The following YEATS2 variants were observed in gnomAD, a reference collection of about 807,000 sequenced individuals.
The protein encoded by YEATS2 is YEATS domain-containing protein 2.
In YEATS2, 77 loss-of-function variants were observed where a neutral mutation model predicts 163.2. The ratio of observed to expected loss-of-function variants is 0.47; its 90% CI spans 0.39 to 0.57. The LOEUF is 0.57. Among genes scored for constraint, YEATS2 ranks in the 20% least tolerant of loss-of-function variants. YEATS2 has a pLI of 0.00. For synonymous variants in YEATS2, 631 were observed against 645.1 expected (o/e 0.98, Z 0.33); for missense variants, 1,549 against 1,729.8 (o/e 0.90, Z 1.85).
chr3:183,776,020 GAGGAGGAGGAACAGC>G lies in YEATS2; in HGVS notation c.2487_2501del (p.Ala830_Thr834del), dbSNP rs776263149. 96 of 1,613,554 alleles carry G rather than the reference GAGGAGGAGGAACAGC, an allele frequency of 5.9e-5. No individual in the cohort carries two copies. In the East Asian group the frequency reaches 1.8e-3, roughly 30 times the overall value. ...AGCGGTGGAGGCGGCAGCACAGGAG[GAGGAGGAGGAACAGC>G]AGGAGGAGGAACTCAAAGTACTGCT... On this transcript the variant is annotated inframe_deletion, in exon 18 of 31. Transcript: ENST00000305135.
intron 4 of YEATS2, among the ~76,000 whole-genome samples, chr3:183,719,261 A>G (rs1716245783): frequency 7.0e-6 from 1 of 143,224 alleles, no homozygotes; most frequent in African/African-American, 2.6e-5. Flanking sequence ...TCAGCCTCCC[A>G]AGTAGCTGGG....
chr3:183,735,662 A>G (rs1238700923), intron 7 of YEATS2, among the ~76,000 whole-genome samples: 1 of 151,490 alleles, frequency 6.6e-6, no homozygotes, highest in East Asian at 2.0e-4. Context: ...TTCCAAAAAC[A>G]CTGTCTGTTG....
At chr3:183,803,019 C>G (rs1312679797) in intron 25 of YEATS2, 6 of 541,694 alleles carry the variant, frequency 1.1e-5, no homozygotes, top group Non-Finnish European at 2.0e-5. Flanking sequence ...CAGTGATTAC[C>G]TTCTCTACCA....
At chr3:183,704,435 C>CGTT (rs144377600) in intron 1 of YEATS2, among the ~76,000 whole-genome samples, 4,895 of 151,980 alleles carry the variant, frequency 0.032, 189 homozygotes, top group East Asian at 0.15. Context: ...ACTGTGTTCT[C>CGTT]GTTAGTTTTT....
At chr3:183,759,678 A>C (rs1413613868) in intron 13 of YEATS2, among the ~76,000 whole-genome samples, 1 of 152,220 alleles carries the variant, frequency 6.6e-6, no homozygotes, top group Non-Finnish European at 1.5e-5. Context: ...CAGTGGTCCA[A>C]CTTAACGATT....
At position 183,756,583 on chromosome 3, in the gene YEATS2, T is replaced by C. The variant is rs1475042910; in HGVS notation, c.1446T>C (p.Thr482=). Residue 482 remains threonine (T), a synonymous_variant, in exon 12 of 31, where the codon ACT becomes ACC. Transcript: ENST00000305135. The part of the protein sequence containing the change: ...PSPLPRTPTS[T]PVHVKQGTAG... ...CATTGCCTCGAACCCCGACTTCCAC[T>C]CCAGTCCACGTGAAGCAAGGCACTG... 2 of 1,607,374 alleles carry C rather than the reference T, an allele frequency of 1.2e-6. No homozygotes were observed. Among genetic ancestry groups the C allele is most frequent in the Non-Finnish European group, 1.7e-6 (2 of 1,177,054 alleles).
intron 1 of YEATS2, among the ~76,000 whole-genome samples, chr3:183,707,932 C>T (rs573281467): frequency 5.9e-5 from 9 of 152,014 alleles, no homozygotes; most frequent in South Asian, 4.2e-4. Context: ...CCTTGGCCTC[C>T]CAAAGTGCTG....
Position 183,761,507 on chromosome 3 carries a change from CAGG to C in YEATS2, c.1662_1664del (p.Glu554del). On this transcript the variant is annotated inframe_deletion and splice_region_variant, in exon 14 of 31. Transcript: ENST00000305135. ...AAAATATGTATTTTTACACACACAG[CAGG>C]AGGATTCTTTGTTTGCATCTATGCC... 1.2e-6 allele frequency: 2 copies of C among 1,613,514 alleles called. No homozygotes were observed. Among genetic ancestry groups the C allele is most frequent in the Non-Finnish European group, 1.7e-6 (2 of 1,179,452 alleles).
chr3:183,723,687 G>A (rs1340700988), intron 5 of YEATS2, among the ~76,000 whole-genome samples: 1 of 152,152 alleles, frequency 6.6e-6, no homozygotes, highest in African/African-American at 2.4e-5. Context: ...CCCAAGTGGG[G>A]GATCACCAGA....
At chr3:183,704,606 A>G (rs142852955) in intron 1 of YEATS2, among the ~76,000 whole-genome samples, 1 of 152,072 alleles carries the variant, frequency 6.6e-6, no homozygotes, top group Non-Finnish European at 1.5e-5. Context: ...CTTTCTTCAT[A>G]TCTTACTGTA....
At position 183,810,752 on chromosome 3, in the gene YEATS2, T is replaced by A; in HGVS notation, c.*169T>A. On this transcript the variant is annotated 3_prime_UTR_variant, in exon 31 of 31. Coordinates refer to ENST00000305135, the MANE Select transcript of YEATS2 (RefSeq NM_018023.5). ...TGTCACCAGCACGCTGCACTCCAGA[T>A]GAAATCCTCCTAGGACAGGAGTTTG... 1 of 605,976 alleles carries A rather than the reference T, an allele frequency of 1.7e-6. No homozygotes were observed. The highest frequency in any genetic ancestry group is 2.9e-6 in the Non-Finnish European group (1 of 339,784). The allele number at this position is 605,976 out of a possible 1,614,324, so 37.5% of individuals were successfully genotyped here.
At chr3:183,766,231 C>A (rs1464292896) in intron 15 of YEATS2, among the ~76,000 whole-genome samples, 1 of 152,132 alleles carries the variant, frequency 6.6e-6, no homozygotes, top group African/African-American at 2.4e-5. Flanking sequence ...AGGTTCTGAG[C>A]CCTGGTCTTT....
chr3:183,799,123 G>A lies in YEATS2; in HGVS notation c.3325+134G>A, dbSNP rs1367794799. 19 of 734,144 alleles carry A rather than the reference G, an allele frequency of 2.6e-5. No individual in the cohort carries two copies. In the Admixed American group the frequency reaches 4.0e-4, roughly 15 times the overall value. The allele number at this position is 734,144 out of a possible 1,614,324, so 45.5% of individuals were successfully genotyped here. ...TGAATCTTTTGAATTTTCAGCATTT[G>A]TGAATCAGTCACTTGGCAAATATGT... On this transcript the variant is annotated intron_variant, in intron 23 of 30. Transcript: ENST00000305135.
chr3:183,764,652 A>G (rs1721720056), intron 15 of YEATS2, among the ~76,000 whole-genome samples: 1 of 151,624 alleles, frequency 6.6e-6, no homozygotes, highest in East Asian at 2.0e-4. Flanking sequence ...CTAAAAATAC[A>G]AAAAATTATT....
chr3:183,699,258 C>T lies in YEATS2; in HGVS notation c.-20+1265C>T, dbSNP rs145562107. Among the ~76,000 whole-genome samples, 809 of 151,852 alleles carry T rather than the reference C, an allele frequency of 5.3e-3. 5 individuals carry two copies. The highest frequency in any genetic ancestry group is 0.01 in the Admixed American group (159 of 15,188). ...ACTGAGTAGGTGGTGGTGCTGTTTA[C>T]TGAGATGAAGAATGGAAGAGAGAAA... On this transcript the variant is annotated intron_variant, in intron 1 of 30. Transcript: ENST00000305135.
At chr3:183,807,388 A>C in intron 28 of YEATS2, 1 of 350,392 alleles carries the variant, frequency 2.9e-6, no homozygotes, top group South Asian at 3.0e-5. Context: ...ATGGTTGATT[A>C]CTCTTCATCT....
At chr3:183,807,751 C>A in intron 28 of YEATS2, 1 of 356,562 alleles carries the variant, frequency 2.8e-6, no homozygotes, top group Non-Finnish European at 5.1e-6. Flanking sequence ...TATCAGAACC[C>A]AGGCAGATCC....
At position 183,797,840 on chromosome 3, in the gene YEATS2, C is replaced by T. The variant is rs567197505; in HGVS notation, c.3098-83C>T. On this transcript the variant is annotated intron_variant, in intron 21 of 30. Transcript: ENST00000305135. ...AATGTCCTGGGAACTTCCTCCATGACAAAATATGGGTAGCACAGAGGATAA... is the reference window on the plus strand; with the variant it reads ...AATGTCCTGGGAACTTCCTCCATGATAAAATATGGGTAGCACAGAGGATAA... The T allele has an allele frequency of 1.9e-6, 3 of 1,556,968 alleles. No homozygotes were observed. The South Asian group carries it at 3.6e-5, about 19-fold the overall frequency.
chr3:183,701,475 C>A (rs1714088624), intron 1 of YEATS2, among the ~76,000 whole-genome samples: 1 of 152,138 alleles, frequency 6.6e-6, no homozygotes, highest in South Asian at 2.1e-4. Context: ...CAGCCTTGAA[C>A]TCCTGGGCTC....
Sources: gnomAD v4.1 joint callset for allele counts (sites outside exome capture counted in the v4.1 genomes callset) on GRCh38, gnomAD v4.1.1 for gene constraint, MANE v1.5 for transcripts, NCBI Gene and HGNC (gene_info 2026-07-23, HGNC 2026-07-21) for gene names.